LRRTM4: variants seen among roughly 807,000 people sequenced by gnomAD.
LRRTM4 encodes the protein leucine-rich repeat transmembrane neuronal protein 4.
Under a neutral mutation model 47.6 loss-of-function variants are expected in LRRTM4, and 25 were observed. The observed-to-expected ratio is 0.53, with a 90% CI of 0.38 to 0.73. The LOEUF is 0.73. Ranked by LOEUF, LRRTM4 falls within the 30% of genes least tolerant of loss-of-function variation. The pLI, the probability that LRRTM4 is intolerant of heterozygous loss-of-function variation, is 0.00. For synonymous variants in LRRTM4, 311 were observed against 269.5 expected (o/e 1.15, Z -1.51); for missense variants, 638 against 713.4 (o/e 0.89, Z 1.20).
chr2:77,353,365 T>C (rs1487988235), intron 3 of LRRTM4, among the ~76,000 whole-genome samples: 14 of 152,218 alleles, frequency 9.2e-5, no homozygotes, highest in Non-Finnish European at 1.5e-5. Flanking sequence ...TACAAAGATA[T>C]ACCTTTGTTG....
chr2:77,098,456 A>T (rs115613015), intron 3 of LRRTM4, among the ~76,000 whole-genome samples: 1,993 of 152,174 alleles, frequency 0.013, 38 homozygotes, highest in African/African-American at 0.045. Context: ...CCTCATAAGA[A>T]AAAATAAATT....
At chr2:76,800,723 C>T (rs368292776) in intron 3 of LRRTM4, among the ~76,000 whole-genome samples, 7,184 of 112,738 alleles carry the variant, frequency 0.064, 120 homozygotes, top group Non-Finnish European at 0.084. Context: ...GGGCTAATAT[C>T]CAGAATCTAC....
In LRRTM4 at chr2:77,037,030, T is replaced by A. The variant is rs1188000019; in HGVS notation, c.1552-288114A>T. Reference sequence around the variant, plus strand: ...GTCTACCAATTGTTTAGCAATTCCCTAGCTGTCCCCTCAAAGGGATGGAAC... The same window carrying A: ...GTCTACCAATTGTTTAGCAATTCCCAAGCTGTCCCCTCAAAGGGATGGAAC... On this transcript the variant is annotated intron_variant, in intron 3 of 3. Coordinates refer to ENST00000409884, the MANE Select transcript of LRRTM4 (RefSeq NM_001134745.3). Among the ~76,000 whole-genome samples, 3 of 151,670 alleles carry A rather than the reference T, an allele frequency of 2.0e-5. No homozygotes were observed. In the Admixed American group the frequency reaches 2.0e-4, roughly 10 times the overall value.
At chr2:76,890,947 C>A (rs1673233223) in intron 3 of LRRTM4, among the ~76,000 whole-genome samples, 1 of 151,804 alleles carries the variant, frequency 6.6e-6, no homozygotes, top group Non-Finnish European at 1.5e-5. Flanking sequence ...AAGAGAGAAG[C>A]ACAGCCTAAT....
At chr2:77,188,003 A>G (rs1191166134) in intron 3 of LRRTM4, among the ~76,000 whole-genome samples, 1 of 152,172 alleles carries the variant, frequency 6.6e-6, no homozygotes, top group African/African-American at 2.4e-5. Context: ...AGCTTTCATT[A>G]GATTTAAATT....
intron 3 of LRRTM4, among the ~76,000 whole-genome samples, chr2:77,320,824 G>A (rs1677767068): frequency 6.6e-6 from 1 of 151,954 alleles, no homozygotes; most frequent in Admixed American, 6.6e-5. Context: ...GAATCTATAT[G>A]TAATGGGAGT....
At chr2:76,825,772 G>A (rs1480136225) in intron 3 of LRRTM4, among the ~76,000 whole-genome samples, 1 of 151,524 alleles carries the variant, frequency 6.6e-6, no homozygotes, top group Non-Finnish European at 1.5e-5. Flanking sequence ...AGCTGCAGAA[G>A]GTTTGGAACT....
intron 3 of LRRTM4, among the ~76,000 whole-genome samples, chr2:76,986,935 A>G (rs1461682180): frequency 6.6e-6 from 1 of 151,976 alleles, no homozygotes; most frequent in Non-Finnish European, 1.5e-5. Flanking sequence ...AACATTTCAA[A>G]TAACTAGGTA....
At chr2:77,370,331 T>C (rs1672613877) in intron 3 of LRRTM4, among the ~76,000 whole-genome samples, 1 of 151,152 alleles carries the variant, frequency 6.6e-6, no homozygotes. Context: ...ATGAAAGGAG[T>C]AGAAAATAGA....
At chr2:77,277,436 T>C (rs900351932) in intron 3 of LRRTM4, among the ~76,000 whole-genome samples, 1 of 152,030 alleles carries the variant, frequency 6.6e-6, no homozygotes, top group African/African-American at 2.4e-5. Flanking sequence ...AAATAGAGAT[T>C]AAACAGCAAA....
intron 3 of LRRTM4, among the ~76,000 whole-genome samples, chr2:77,107,455 C>G (rs1367470963): frequency 6.6e-6 from 1 of 151,744 alleles, no homozygotes; most frequent in Non-Finnish European, 1.5e-5. Context: ...AAAATGAAAC[C>G]ACAATATGTT....
At chr2:77,155,455 T>C (rs1438687092) in intron 3 of LRRTM4, among the ~76,000 whole-genome samples, 1 of 151,822 alleles carries the variant, frequency 6.6e-6, no homozygotes, top group Non-Finnish European at 1.5e-5. Context: ...AGGGATAGAA[T>C]CAAACAAATG....
chr2:77,127,088 G>A (rs961334416), intron 3 of LRRTM4, among the ~76,000 whole-genome samples: 3 of 152,000 alleles, frequency 2.0e-5, no homozygotes, highest in Admixed American at 2.0e-4. Flanking sequence ...AAACACTTAT[G>A]TGATATGTCA....
chr2:77,134,885 T>C (rs970955289), intron 3 of LRRTM4, among the ~76,000 whole-genome samples: 1 of 152,198 alleles, frequency 6.6e-6, no homozygotes, highest in African/African-American at 2.4e-5. Flanking sequence ...CAGCTTCCAA[T>C]GAAAAGATTC....
intron 3 of LRRTM4, among the ~76,000 whole-genome samples, chr2:76,951,319 C>T (rs1164570394): frequency 6.6e-6 from 1 of 151,958 alleles, no homozygotes; most frequent in Non-Finnish European, 1.5e-5. Context: ...AACTGCTATT[C>T]TTAAGGATGG....
chr2:76,938,576 A>G (rs747446922), intron 3 of LRRTM4, among the ~76,000 whole-genome samples: 3 of 152,138 alleles, frequency 2.0e-5, no homozygotes, highest in Non-Finnish European at 2.9e-5. Flanking sequence ...GAATTATAAT[A>G]AGCTTCAGTG....
At chr2:77,005,586 T>A (rs62170210) in intron 3 of LRRTM4, among the ~76,000 whole-genome samples, 56 of 152,184 alleles carry the variant, frequency 3.7e-4, no homozygotes, top group African/African-American at 1.2e-3. Flanking sequence ...TGGGAGGTAA[T>A]TGAATCATGG....
At chr2:77,362,115 G>GAGAAAGAAAGAA (rs1230993221) in intron 3 of LRRTM4, among the ~76,000 whole-genome samples, 7,377 of 98,518 alleles carry the variant, frequency 0.075, 396 homozygotes, top group Admixed American at 0.092. Flanking sequence ...GAAAGAAAGA[G>GAGAAAGAAAGAA]AGAAAGAAAG....
At chr2:76,787,801 TCTG>T (rs1674760204) in intron 3 of LRRTM4, among the ~76,000 whole-genome samples, 2 of 152,184 alleles carry the variant, frequency 1.3e-5, no homozygotes, top group Admixed American at 1.3e-4. Context: ...GATTTTCTTT[TCTG>T]TCCAAGGAAA....
Sources: gnomAD v4.1 joint callset for allele counts (sites outside exome capture counted in the v4.1 genomes callset) on GRCh38, gnomAD v4.1.1 for gene constraint, MANE v1.5 for transcripts, NCBI Gene and HGNC (gene_info 2026-07-23, HGNC 2026-07-21) for gene names.